The following RAB27A variants were observed in gnomAD, a reference collection of about 807,000 sequenced individuals.
The protein encoded by RAB27A is RAB27A, member RAS oncogene family, also known as ras-related protein Rab-27A.
Under a neutral mutation model 20.8 loss-of-function variants are expected in RAB27A, and 17 were observed. That is an observed-to-expected ratio of 0.82 (90% CI 0.56 to 1.23). The LOEUF is 1.23. Among genes scored for constraint, RAB27A ranks in the 50% most tolerant of loss-of-function variants. RAB27A has a pLI of 0.00. For synonymous variants in RAB27A, 85 were observed against 92.8 expected (o/e 0.92, Z 0.48); for missense variants, 277 against 266.7 (o/e 1.04, Z -0.27).
intron 6 of RAB27A, among the ~76,000 whole-genome samples, chr15:55,209,949 CAT>C (rs1894890185): frequency 3.1e-5 from 2 of 64,606 alleles, no homozygotes; most frequent in Non-Finnish European, 5.4e-5. Flanking sequence ...CATGTACACA[CAT>C]ACGCATATAT....
At chr15:55,241,315 CTT>C (rs1015087398) in intron 2 of RAB27A, among the ~76,000 whole-genome samples, 18 of 152,066 alleles carry the variant, frequency 1.2e-4, no homozygotes, top group Non-Finnish European at 2.5e-4. Flanking sequence ...ATGCAAAAGA[CTT>C]TCTTATTCAG....
At chr15:55,271,884 A>G (rs1420719334) in intron 1 of RAB27A, among the ~76,000 whole-genome samples, 1 of 152,240 alleles carries the variant, frequency 6.6e-6, no homozygotes, top group Non-Finnish European at 1.5e-5. Flanking sequence ...AACTAAGAAA[A>G]GTCTGAGCAC....
intron 3 of RAB27A, 39 bp from the exon 4 acceptor site, chr15:55,230,525 T>C (rs1046653241): frequency 2.0e-6 from 3 of 1,533,736 alleles, no homozygotes; most frequent in Non-Finnish European, 2.7e-6. Flanking sequence ...AAAGAGAACT[T>C]CTAACACCAG....
At chr15:55,294,783 T>C (rs1340674708), upstream of RAB27A, among the ~76,000 whole-genome samples, 2 of 152,034 alleles carry the variant, frequency 1.3e-5, no homozygotes, top group Non-Finnish European at 2.9e-5. Context: ...GGCAATGATA[T>C]TTCTTAGATT....
Position 55,228,663 on chromosome 15 carries a change from G to A in RAB27A, c.289C>T (p.Leu97=), listed in dbSNP as rs1354193730. 1 of 1,613,804 alleles carries A rather than the reference G, an allele frequency of 6.2e-7. No individual in the cohort carries two copies. ...AFFRDAMGFL[L]LFDLTNEQSF... is the part of the protein sequence containing the mutation. ...TGCTCATTTGTCAGATCAAAAAGTA[G>A]AAGAAAACCCATAGCATCTCTGAAG... The change falls in exon 5 of 7, where the codon CTA becomes TTA. Residue 97 remains leucine, a synonymous_variant. Coordinates refer to ENST00000336787, the MANE Select transcript of RAB27A (RefSeq NM_183235.3).
At chr15:55,296,028 C>G (rs1306587138) in intron 2 of RAB27A, among the ~76,000 whole-genome samples, 1 of 151,596 alleles carries the variant, frequency 6.6e-6, no homozygotes, top group East Asian at 2.0e-4. Context: ...TCTCGAGTAG[C>G]TGGGACCACA....
chr15:55,224,049 A>G (rs1895700100), intron 5 of RAB27A, 37 bp from the exon 6 acceptor site: 1 of 1,468,816 alleles, frequency 6.8e-7, no homozygotes, highest in Non-Finnish European at 9.5e-7. Context: ...TATGTAAATA[A>G]TAATGTAAGT....
At chr15:55,249,805 AGAG>A (rs1367003560) in intron 2 of RAB27A, among the ~76,000 whole-genome samples, 3 of 152,236 alleles carry the variant, frequency 2.0e-5, no homozygotes, top group Non-Finnish European at 4.4e-5. Context: ...CATGTCTTAA[AGAG>A]GATGAATATA....
chr15:55,316,709 A>C (rs1398859355), intron 1 of RAB27A, among the ~76,000 whole-genome samples: 4 of 152,142 alleles, frequency 2.6e-5, no homozygotes, highest in African/African-American at 9.7e-5. Context: ...TAAATTAACT[A>C]CTCCCTTAAC....
chr15:55,283,384 T>C (rs1390351807), intron 1 of RAB27A, among the ~76,000 whole-genome samples: 1 of 152,176 alleles, frequency 6.6e-6, no homozygotes, highest in Non-Finnish European at 1.5e-5. Context: ...GATTCCTGAC[T>C]GTGTTGATTC....
rs560923221 is a variant in RAB27A at position 55,264,008 on chromosome 15, C to T, written c.-23+6157G>A. Among the ~76,000 whole-genome samples, 19 of 152,314 alleles carry T rather than the reference C, an allele frequency of 1.2e-4. 1 individual carries two copies. The highest frequency in any genetic ancestry group is 4.6e-4 in the African/African-American group (19 of 41,574). On this transcript the variant is annotated intron_variant, in intron 2 of 6. Coordinates refer to ENST00000336787, the MANE Select transcript of RAB27A (RefSeq NM_183235.3). ...TAGTCCACACCTGACTCCAAAGAGT[C>T]TCTCAACTATAGCCAGGGTTATTTT...
intron 2 of RAB27A, among the ~76,000 whole-genome samples, chr15:55,306,492 CCTTTA>C (rs1157832537): frequency 6.6e-6 from 1 of 152,116 alleles, no homozygotes; most frequent in Non-Finnish European, 1.5e-5. Context: ...GAGATTACTT[CCTTTA>C]CGTGTTTTTC....
chr15:55,251,195 T>C (rs1159683057), intron 2 of RAB27A, among the ~76,000 whole-genome samples: 1 of 152,210 alleles, frequency 6.6e-6, no homozygotes, highest in African/African-American at 2.4e-5. Flanking sequence ...CTCTCAGATA[T>C]CACCTTAACA....
At chr15:55,280,514 T>TATATATATATATAC (rs1897988057) in intron 1 of RAB27A, among the ~76,000 whole-genome samples, 1 of 149,712 alleles carries the variant, frequency 6.7e-6, no homozygotes, top group African/African-American at 2.4e-5. Flanking sequence ...TATATATATA[T>TATATATATATATAC]ATATATATAT....
chr15:55,240,410 A>T (rs1339522380), intron 2 of RAB27A, among the ~76,000 whole-genome samples: 1 of 152,146 alleles, frequency 6.6e-6, no homozygotes, highest in Non-Finnish European at 1.5e-5. Flanking sequence ...CCTAGGTCAG[A>T]TGCCCACATG....
intron 6 of RAB27A, among the ~76,000 whole-genome samples, chr15:55,221,252 G>A (rs902873771): frequency 8.7e-5 from 13 of 149,608 alleles, no homozygotes; most frequent in Non-Finnish European, 1.6e-4. Context: ...GTGCTTGTTT[G>A]ATCTAGCTAA....
At chr15:55,220,069 T>C (rs571462507) in intron 6 of RAB27A, among the ~76,000 whole-genome samples, 29 of 152,298 alleles carry the variant, frequency 1.9e-4, no homozygotes, top group African/African-American at 7.0e-4. Flanking sequence ...TTTTGTCTGT[T>C]GTATGAAGTC....
intron 1 of RAB27A, among the ~76,000 whole-genome samples, chr15:55,315,498 A>C (rs2055039122): frequency 6.6e-6 from 1 of 152,210 alleles, no homozygotes. Flanking sequence ...AAATTTTCGT[A>C]ATCTATCCAT....
chr15:55,220,573 A>T (rs1895524351), intron 6 of RAB27A, among the ~76,000 whole-genome samples: 1 of 152,154 alleles, frequency 6.6e-6, no homozygotes, highest in South Asian at 2.1e-4. Flanking sequence ...ACCTGGCCCC[A>T]GTGATCTGTT....
Sources: gnomAD v4.1 joint callset for allele counts (sites outside exome capture counted in the v4.1 genomes callset) on GRCh38, gnomAD v4.1.1 for gene constraint, MANE v1.5 for transcripts, NCBI Gene and HGNC (gene_info 2026-07-23, HGNC 2026-07-21) for gene names.